SLIT3: variants seen among roughly 807,000 people sequenced by gnomAD.
SLIT3 encodes slit homolog 3 protein.
In SLIT3, 68 loss-of-function variants were observed where a neutral mutation model predicts 184.0. The observed-to-expected ratio is 0.37, with a 90% CI of 0.30 to 0.45. The LOEUF is 0.45. Ranked by LOEUF, SLIT3 falls within the 20% of genes least tolerant of loss-of-function variation. The pLI is 1.00. For synonymous variants in SLIT3, 831 were observed against 828.6 expected (o/e 1.00, Z -0.05); for missense variants, 1,707 against 2,026.0 (o/e 0.84, Z 3.02).
intron 5 of SLIT3, among the ~76,000 whole-genome samples, chr5:168,852,095 A>G (rs1405680824): frequency 1.3e-5 from 2 of 152,228 alleles, no homozygotes; most frequent in Admixed American, 1.3e-4. Context: ...CAGAGGCTGG[A>G]CAAATAAATG....
chr5:168,827,752 G>T (rs111628019), intron 6 of SLIT3, among the ~76,000 whole-genome samples: 26 of 152,326 alleles, frequency 1.7e-4, no homozygotes, highest in African/African-American at 6.3e-4. Flanking sequence ...GGGCTCCCCA[G>T]GCGGGATGAA....
At chr5:169,057,543 C>A (rs916970346) in intron 4 of SLIT3, among the ~76,000 whole-genome samples, 1 of 152,164 alleles carries the variant, frequency 6.6e-6, no homozygotes, top group African/African-American at 2.4e-5. Context: ...TAGAGGGTGG[C>A]TAAGAATAGG....
intron 3 of SLIT3, among the ~76,000 whole-genome samples, chr5:169,196,681 G>A (rs1266807949): frequency 6.6e-6 from 1 of 152,066 alleles, no homozygotes; most frequent in African/African-American, 2.4e-5. Context: ...GCACCCAGTC[G>A]GTCAGACTCC....
intron 4 of SLIT3, among the ~76,000 whole-genome samples, chr5:169,075,065 T>C (rs1758687100): frequency 6.6e-6 from 1 of 152,132 alleles, no homozygotes; most frequent in African/African-American, 2.4e-5. Flanking sequence ...AGGCCAACTG[T>C]CAAGAAGGAG....
At chr5:169,122,544 C>T (rs952753642) in intron 4 of SLIT3, among the ~76,000 whole-genome samples, 2 of 152,148 alleles carry the variant, frequency 1.3e-5, no homozygotes, top group African/African-American at 2.4e-5. Context: ...AGGCAGTTCT[C>T]TCTGTAAAGC....
At chr5:168,974,231 A>T (rs1354328288) in intron 4 of SLIT3, among the ~76,000 whole-genome samples, 1 of 152,194 alleles carries the variant, frequency 6.6e-6, no homozygotes, top group Admixed American at 6.5e-5. Context: ...CTCTTGGTTC[A>T]CTGCCTTCTC....
rs902266166 is a variant in SLIT3 at position 168,662,903 on chromosome 5, C to A, written c.*3551G>T. 6.6e-6 allele frequency: 1 copy of A among 152,168 alleles called. No individual in the cohort carries two copies. The highest frequency in any genetic ancestry group is 1.5e-5 in the Non-Finnish European group (1 of 68,040). The allele number at this position is 152,168 out of a possible 1,614,324, so 9.4% of individuals were successfully genotyped here. On this transcript the variant is annotated 3_prime_UTR_variant, in exon 36 of 36. Coordinates refer to ENST00000519560, the MANE Select transcript of SLIT3 (RefSeq NM_003062.4). ...AGAATGTGACTGCTCAAGGAGAGAG[C>A]GTTTTAATCATCATTTGTTAGAGGA... is the stretch of plus-strand genomic sequence containing the variant.
At chr5:169,101,031 T>C (rs1471414445) in intron 4 of SLIT3, among the ~76,000 whole-genome samples, 2 of 152,302 alleles carry the variant, frequency 1.3e-5, no homozygotes, top group Non-Finnish European at 2.9e-5. Flanking sequence ...TGGTTTTGAG[T>C]TCTAGTTGCT....
In SLIT3 at chr5:168,856,806, T is replaced by TGTGTGCGC. The variant is rs374432432; in HGVS notation, c.486-12152_486-12151insGCGCACAC. 6.8e-3 allele frequency among the ~76,000 whole-genome samples: 933 copies of TGTGTGCGC among 137,772 alleles called. 6 individuals carry two copies. Among genetic ancestry groups the TGTGTGCGC allele is most frequent in the Non-Finnish European group, 9.6e-3 (610 of 63,540 alleles). The allele number at this position is 137,772 out of a possible 152,430, so 90.4% of individuals were successfully genotyped here. A position where few individuals can be genotyped will look rare whatever the true frequency, so the allele number is the denominator to read the frequency against. On this transcript the variant is annotated intron_variant, in intron 5 of 35. Coordinates refer to ENST00000519560, the MANE Select transcript of SLIT3 (RefSeq NM_003062.4). ...GTGTGTGTGTGTGTGTGTGTGTGTG[T>TGTGTGCGC]GCGCGCGCGCGCACGCCTTTGTTCA...
chr5:168,839,580 A>G (rs1242427804), intron 6 of SLIT3, among the ~76,000 whole-genome samples: 1 of 152,210 alleles, frequency 6.6e-6, no homozygotes, highest in Non-Finnish European at 1.5e-5. Flanking sequence ...AAAACATTCC[A>G]CAGGACAAAA....
Position 168,712,267 on chromosome 5 carries a change from A to G in SLIT3, c.2555+16T>C, listed in dbSNP as rs1029073515. 1.9e-6 allele frequency: 3 copies of G among 1,608,450 alleles called. No homozygotes were observed. Among genetic ancestry groups the G allele is most frequent in the African/African-American group, 1.3e-5 (1 of 74,794 alleles). ...CATGTTTTGAATGTTCATTGGGGAG[A>G]AACACTGCTACTTACAGATGGGAAA... On this transcript the variant is annotated intron_variant, in intron 24 of 35. Coordinates refer to ENST00000519560, the MANE Select transcript of SLIT3 (RefSeq NM_003062.4).
chr5:168,735,449 A>G lies in SLIT3; in HGVS notation c.2271-10965T>C, dbSNP rs1005179338. Among the ~76,000 whole-genome samples, 4 of 152,232 alleles carry G rather than the reference A, an allele frequency of 2.6e-5. No individual in the cohort carries two copies. In the South Asian group the frequency reaches 6.2e-4, roughly 24 times the overall value. On this transcript the variant is annotated intron_variant, in intron 20 of 35. Coordinates refer to ENST00000519560, the MANE Select transcript of SLIT3 (RefSeq NM_003062.4). ...CAGCTGAGGCTCACATCCTGGCTCT[A>G]CTATCTAAGAGCTGTGTGACCCTGG...
At chr5:168,856,805 G>A (rs1357394115) in intron 5 of SLIT3, among the ~76,000 whole-genome samples, 2 of 139,238 alleles carry the variant, frequency 1.4e-5, no homozygotes, top group African/African-American at 6.0e-5. Flanking sequence ...GTGTGTGTGT[G>A]TGCGCGCGCG....
intron 3 of SLIT3, among the ~76,000 whole-genome samples, chr5:169,212,145 G>C (rs2113513345): frequency 6.6e-6 from 1 of 152,308 alleles, no homozygotes; most frequent in East Asian, 1.9e-4. Context: ...CCAGTAATGG[G>C]ATTGCTGGGT....
At chr5:169,241,745 TA>T (rs1581093819) in intron 3 of SLIT3, among the ~76,000 whole-genome samples, 1 of 152,062 alleles carries the variant, frequency 6.6e-6, no homozygotes, top group Non-Finnish European at 1.5e-5. Context: ...AACAGGGAAT[TA>T]AAATATGGTG....
intron 9 of SLIT3, among the ~76,000 whole-genome samples, chr5:168,796,975 TATC>T (rs1163669773): frequency 2.6e-5 from 4 of 151,618 alleles, no homozygotes; most frequent in East Asian, 1.9e-4. Flanking sequence ...TATCAGGACA[TATC>T]ATTCTTGGCT....
chr5:168,836,014 C>G (rs17733538), intron 6 of SLIT3, among the ~76,000 whole-genome samples: 30,295 of 151,974 alleles, frequency 0.2, 3,112 homozygotes, highest in East Asian at 0.25. Context: ...GGAAAAGTAG[C>G]AATGTTGATC....
intron 32 of SLIT3, among the ~76,000 whole-genome samples, chr5:168,683,369 CA>C (rs59868617): frequency 1.3e-3 from 137 of 104,788 alleles, no homozygotes; most frequent in South Asian, 2.5e-3. Context: ...AACTCCATCT[CA>C]AAAAAAAAAA....
chr5:169,256,478 C>T (rs1422770918), intron 1 of SLIT3, among the ~76,000 whole-genome samples: 1 of 152,202 alleles, frequency 6.6e-6, no homozygotes, highest in African/African-American at 2.4e-5. Context: ...TGCAAGTGCA[C>T]TCATGACTTT....
Sources: allele counts gnomAD v4.1 joint callset (sites outside exome capture counted in the v4.1 genomes callset), GRCh38; gene constraint gnomAD v4.1.1; transcripts MANE v1.5; gene names NCBI Gene and HGNC (gene_info 2026-07-23, HGNC 2026-07-21).